SPAG16: variants seen among roughly 807,000 people sequenced by gnomAD.
SPAG16 encodes sperm-associated antigen 16 protein.
In SPAG16, 86 loss-of-function variants were observed where a neutral mutation model predicts 80.4. The ratio of observed to expected loss-of-function variants is 1.07; its 90% CI spans 0.90 to 1.28. SPAG16 has a LOEUF of 1.28. Ranked by LOEUF, SPAG16 falls within the 50% of genes most tolerant of loss-of-function variation. SPAG16 has a pLI of 0.00. For missense variants in SPAG16, 870 were observed against 765.3 expected (o/e 1.14, Z -1.61); for synonymous variants, 294 against 265.9 (o/e 1.11, Z -1.03).
At chr2:214,399,444 C>T (rs998572128) in intron 15 of SPAG16, among the ~76,000 whole-genome samples, 2 of 152,046 alleles carry the variant, frequency 1.3e-5, no homozygotes, top group South Asian at 4.1e-4. Context: ...TAATTATTAA[C>T]AATTCACCAC....
chr2:213,422,613 ACCC>A (rs2069666498), intron 9 of SPAG16: 1 of 336,716 alleles, frequency 3.0e-6, no homozygotes, highest in Admixed American at 4.3e-5. Context: ...GAAAAGTGAC[ACCC>A]TAGGGATCCT....
intron 10 of SPAG16, among the ~76,000 whole-genome samples, chr2:213,566,279 G>A (rs568706880): frequency 1.3e-5 from 2 of 152,192 alleles, no homozygotes; most frequent in South Asian, 4.2e-4. Flanking sequence ...GAAGTGCAAA[G>A]CCTCTTAGAA....
chr2:213,408,113 CAAAGAAAAAAAAACAA>C (rs1441809498), intron 9 of SPAG16, among the ~76,000 whole-genome samples: 3 of 137,364 alleles, frequency 2.2e-5, no homozygotes, highest in Non-Finnish European at 4.9e-5. Context: ...AAAACAAAAA[CAAAGAAAAAAAAACAA>C]AAAAACCAGT....
chr2:213,333,454 C>T (rs1327038965), intron 5 of SPAG16, among the ~76,000 whole-genome samples: 1 of 151,940 alleles, frequency 6.6e-6, no homozygotes, highest in African/African-American at 2.4e-5. Flanking sequence ...TTCAGTGTGA[C>T]CCCTATCAAA....
chr2:214,034,472 A>T (rs938791501), intron 13 of SPAG16, among the ~76,000 whole-genome samples: 1 of 152,158 alleles, frequency 6.6e-6, no homozygotes, highest in African/African-American at 2.4e-5. Flanking sequence ...TGCTGGGCCA[A>T]CTCAGCAGGC....
chr2:214,349,727 CCTT>C (rs748154884), intron 15 of SPAG16, among the ~76,000 whole-genome samples: 1 of 152,178 alleles, frequency 6.6e-6, no homozygotes, highest in Non-Finnish European at 1.5e-5. Context: ...CAGTTATTCT[CCTT>C]CATATCAAAA....
At chr2:214,048,945 T>G (rs148386696) in intron 13 of SPAG16, among the ~76,000 whole-genome samples, 15 of 141,624 alleles carry the variant, frequency 1.1e-4, no homozygotes, top group African/African-American at 3.5e-4. Flanking sequence ...CCTTTCTTCC[T>G]TCTCTCCTTC....
At chr2:214,009,237 A>G (rs537867060) in intron 12 of SPAG16, among the ~76,000 whole-genome samples, 2 of 151,918 alleles carry the variant, frequency 1.3e-5, no homozygotes, top group Admixed American at 1.3e-4. Context: ...GCTACCCTAC[A>G]CTCCAAATTT....
At chr2:213,825,782 G>A (rs551014152) in intron 10 of SPAG16, among the ~76,000 whole-genome samples, 89 of 147,126 alleles carry the variant, frequency 6.0e-4, no homozygotes, top group Admixed American at 1.4e-3. Context: ...TAATGGGTTC[G>A]GAAAAATTCC....
chr2:213,516,395 A>G (rs1426365171), intron 10 of SPAG16, among the ~76,000 whole-genome samples: 1 of 123,174 alleles, frequency 8.1e-6, no homozygotes, highest in Admixed American at 7.8e-5. Context: ...GTAACATTTT[A>G]TCTTTTTCTT....
chr2:214,263,887 A>C (rs767539371), intron 15 of SPAG16, among the ~76,000 whole-genome samples: 1 of 152,336 alleles, frequency 6.6e-6, no homozygotes, highest in East Asian at 1.9e-4. Context: ...TAGCATATTT[A>C]GTTTATACAT....
Position 213,310,136 on chromosome 2 carries a change from A to G in SPAG16, c.357A>G (p.Lys119=), listed in dbSNP as rs2063122230. 1 of 1,611,616 alleles carries G rather than the reference A, an allele frequency of 6.2e-7. No homozygotes were observed. The highest frequency in any genetic ancestry group is 1.3e-5 in the African/African-American group (1 of 74,804). ...ACTTTCTCTGCAATTTCTTGATCAA[A>G]ATGGGAATGACCAGAACTCTTGATT... is the stretch of plus-strand genomic sequence containing the variant. ...IEDFLCNFLI[K]MGMTRTLDCF... The change falls in exon 4 of 16, where the codon AAA becomes AAG. Residue 119 remains lysine (K), a synonymous_variant. Coordinates refer to ENST00000331683, the MANE Select transcript of SPAG16 (RefSeq NM_024532.5).
chr2:213,510,593 T>G (rs929770894), intron 10 of SPAG16, among the ~76,000 whole-genome samples: 3 of 152,190 alleles, frequency 2.0e-5, no homozygotes, highest in African/African-American at 7.2e-5. Context: ...CTTGGATATT[T>G]GTTAAAGCTC....
At chr2:214,352,174 C>T (rs1232727398) in intron 15 of SPAG16, among the ~76,000 whole-genome samples, 2 of 152,150 alleles carry the variant, frequency 1.3e-5, no homozygotes. Flanking sequence ...TTAATACCAT[C>T]ACATTGGGCA....
intron 13 of SPAG16, among the ~76,000 whole-genome samples, chr2:214,027,191 T>G (rs1477888583): frequency 1.3e-5 from 2 of 151,624 alleles, no homozygotes; most frequent in Non-Finnish European, 3.0e-5. Flanking sequence ...TTGTATGCTA[T>G]AGATAAGATG....
intron 12 of SPAG16, among the ~76,000 whole-genome samples, chr2:213,999,551 T>C (rs934651653): frequency 1.3e-5 from 2 of 152,198 alleles, no homozygotes; most frequent in Admixed American, 6.5e-5. Flanking sequence ...GGAGCCCCCA[T>C]ACACAGTCCT....
At chr2:213,819,722 C>A (rs2072810680) in intron 10 of SPAG16, among the ~76,000 whole-genome samples, 1 of 150,976 alleles carries the variant, frequency 6.6e-6, no homozygotes, top group Non-Finnish European at 1.5e-5. Context: ...TTTGTTTGGT[C>A]TTGTTGTTTT....
At chr2:213,425,755 A>G (rs990814613) in intron 9 of SPAG16, among the ~76,000 whole-genome samples, 1 of 151,792 alleles carries the variant, frequency 6.6e-6, no homozygotes, top group Non-Finnish European at 1.5e-5. Context: ...TTAACATTTT[A>G]TGAGATTTCT....
chr2:213,958,936 C>A (rs2044281627), intron 12 of SPAG16, among the ~76,000 whole-genome samples: 1 of 152,142 alleles, frequency 6.6e-6, no homozygotes, highest in African/African-American at 2.4e-5. Context: ...TCTTTCAGGG[C>A]AGTTCTACTG....
Sources: gnomAD v4.1 joint callset for allele counts (sites outside exome capture counted in the v4.1 genomes callset) on GRCh38, gnomAD v4.1.1 for gene constraint, MANE v1.5 for transcripts, NCBI Gene and HGNC (gene_info 2026-07-23, HGNC 2026-07-21) for gene names.